The following LINGO2 variants were observed in gnomAD, a reference collection of about 807,000 sequenced individuals.
The protein encoded by LINGO2 is leucine-rich repeat and immunoglobulin-like domain-containing nogo receptor-interacting protein 2.
Under a neutral mutation model 30.6 loss-of-function variants are expected in LINGO2, and 14 were observed. That is an observed-to-expected ratio of 0.46 (90% CI 0.30 to 0.72). The LOEUF (loss-of-function observed/expected upper bound fraction) is 0.72. Ranked by LOEUF, LINGO2 falls within the 30% of genes least tolerant of loss-of-function variation. The pLI is 0.07. For synonymous variants in LINGO2, 317 were observed against 288.5 expected (o/e 1.10, Z -1.00); for missense variants, 729 against 751.7 (o/e 0.97, Z 0.35).
the LINGO2 span, among the ~76,000 whole-genome samples, chr9:29,119,356 C>CGT: frequency 1.4e-5 from 2 of 146,220 alleles, no homozygotes; most frequent in African/African-American, 5.1e-5. Flanking sequence ...TATGCATGCA[C>CGT]GTGTGCGCGC....
At chr9:28,701,956 G>C in the LINGO2 span, among the ~76,000 whole-genome samples, 1 of 151,926 alleles carries the variant, frequency 6.6e-6, no homozygotes, top group Admixed American at 6.6e-5. Flanking sequence ...ATATGGGAAA[G>C]TGGTTAACTT....
At chr9:28,056,120 A>C (rs1050430628) in intron 4 of LINGO2, among the ~76,000 whole-genome samples, 2 of 152,170 alleles carry the variant, frequency 1.3e-5, no homozygotes. Context: ...CTGAGCGTCT[A>C]CCGCCCTTCC....
At chr9:28,023,825 TG>T (rs1483457826) in intron 4 of LINGO2, among the ~76,000 whole-genome samples, 1 of 152,160 alleles carries the variant, frequency 6.6e-6, no homozygotes, top group African/African-American at 2.4e-5. Flanking sequence ...TACCAAAGTA[TG>T]GGGCCCCCTA....
chr9:28,694,970 T>C, the LINGO2 span, among the ~76,000 whole-genome samples: 2 of 150,192 alleles, frequency 1.3e-5, no homozygotes, highest in South Asian at 4.2e-4. Context: ...TTTTTTTTAA[T>C]GCAGCTTATT....
chr9:28,425,412 TATA>T (rs1823368910), intron 2 of LINGO2, among the ~76,000 whole-genome samples: 1 of 151,612 alleles, frequency 6.6e-6, no homozygotes, highest in African/African-American at 2.4e-5. Flanking sequence ...TAGAAACTAT[TATA>T]ATATTCATTT....
the LINGO2 span, among the ~76,000 whole-genome samples, chr9:28,750,857 T>C: frequency 6.6e-6 from 1 of 152,060 alleles, no homozygotes; most frequent in Non-Finnish European, 1.5e-5. Flanking sequence ...CTAGATGTCT[T>C]GCTGAGTGTG....
intron 1 of LINGO2, among the ~76,000 whole-genome samples, chr9:28,479,954 T>TAC (rs1170599932): frequency 6.2e-4 from 75 of 120,474 alleles, no homozygotes; most frequent in African/African-American, 2.0e-3. Context: ...TATATATATA[T>TAC]ATGTACATTT....
intron 4 of LINGO2, among the ~76,000 whole-genome samples, chr9:28,179,883 C>G (rs1828865216): frequency 6.6e-6 from 1 of 151,704 alleles, no homozygotes; most frequent in African/African-American, 2.4e-5. Context: ...AGCTAAAACT[C>G]TGGTATGTTA....
intron 2 of LINGO2, among the ~76,000 whole-genome samples, chr9:28,382,403 T>G (rs1353540981): frequency 6.6e-6 from 1 of 152,170 alleles, no homozygotes; most frequent in East Asian, 1.9e-4. Flanking sequence ...AACTATGTAT[T>G]AAATGATTTT....
At chr9:27,942,360 G>A in the LINGO2 span, 10 of 149,514 alleles carry the variant, frequency 6.7e-5, no homozygotes, top group African/African-American at 1.9e-4. Context: ...ATACGACTCC[G>A]ATTGTCTCAT....
the LINGO2 span, among the ~76,000 whole-genome samples, chr9:28,988,116 T>G: frequency 1.3e-5 from 2 of 152,194 alleles, no homozygotes; most frequent in African/African-American, 4.8e-5. Context: ...TGGTCCTTTA[T>G]TGAAAAGTTA....
At chr9:28,355,387 G>GTGTGTGTGTGTGTGTGTT (rs1820156627) in intron 3 of LINGO2, among the ~76,000 whole-genome samples, 1 of 150,244 alleles carries the variant, frequency 6.7e-6, no homozygotes, top group African/African-American at 2.5e-5. Context: ...GTGTGTGTGT[G>GTGTGTGTGTGTGTGTGTT]TGTGTGTGTG....
chr9:28,492,531 C>A (rs749119335), intron 1 of LINGO2, among the ~76,000 whole-genome samples: 5 of 152,144 alleles, frequency 3.3e-5, no homozygotes, highest in Non-Finnish European at 7.4e-5. Flanking sequence ...ATAGTCCTGT[C>A]AAGCTTAATG....
chr9:28,276,968 G>T (rs951818660), intron 4 of LINGO2, among the ~76,000 whole-genome samples: 1 of 152,100 alleles, frequency 6.6e-6, no homozygotes, highest in Non-Finnish European at 1.5e-5. Flanking sequence ...AATTCAAGCT[G>T]CTCATCCCCT....
At chr9:29,079,036 T>C in the LINGO2 span, among the ~76,000 whole-genome samples, 1 of 151,852 alleles carries the variant, frequency 6.6e-6, no homozygotes, top group Non-Finnish European at 1.5e-5. Context: ...AACTAAAAGA[T>C]CGAGAGTACA....
At chr9:28,183,497 A>G (rs1352521535) in intron 4 of LINGO2, among the ~76,000 whole-genome samples, 3 of 152,108 alleles carry the variant, frequency 2.0e-5, no homozygotes, top group Non-Finnish European at 2.9e-5. Flanking sequence ...GATCTAGTTC[A>G]CTGCCTTTTT....
the LINGO2 span, among the ~76,000 whole-genome samples, chr9:29,020,823 T>G: frequency 6.6e-6 from 1 of 152,134 alleles, no homozygotes; most frequent in African/African-American, 2.4e-5. Flanking sequence ...GTGAAGATAC[T>G]GGGCTAATTT....
chr9:29,211,073 C>T, the LINGO2 span, among the ~76,000 whole-genome samples: 1 of 152,168 alleles, frequency 6.6e-6, no homozygotes, highest in East Asian at 1.9e-4. Context: ...GAATATTCCA[C>T]ACCCGATGGT....
At chr9:28,918,906 C>G in the LINGO2 span, among the ~76,000 whole-genome samples, 1 of 152,198 alleles carries the variant, frequency 6.6e-6, no homozygotes, top group African/African-American at 2.4e-5. Flanking sequence ...TGTATGGATT[C>G]AAGGGAATCA....
Sources: allele counts gnomAD v4.1 joint callset (sites outside exome capture counted in the v4.1 genomes callset), GRCh38; gene constraint gnomAD v4.1.1; transcripts MANE v1.5; gene names NCBI Gene and HGNC (gene_info 2026-07-23, HGNC 2026-07-21).